Variants in TRPM2 observed in about 807,000 individuals in gnomAD.
The protein encoded by TRPM2 is estrogen-responsive element-associated gene 1 protein.
In TRPM2, 161 loss-of-function variants were observed where a neutral mutation model predicts 174.0. That is an observed-to-expected ratio of 0.93 (90% CI 0.81 to 1.05). The LOEUF is 1.05. TRPM2 is among the 50% of genes least tolerant of loss of function. The pLI is 0.00. For synonymous variants in TRPM2, 954 were observed against 861.3 expected (o/e 1.11, Z -1.88); for missense variants, 2,057 against 2,038.0 (o/e 1.01, Z -0.18).
At chr21:44,422,367 G>T in intron 22 of TRPM2, 3 of 1,536,180 alleles carry the variant, frequency 2.0e-6, no homozygotes, top group South Asian at 1.2e-5. Flanking sequence ...GTCCGAGAAG[G>T]CTCCAGTAAC....
At chr21:44,377,309 A>C (rs548439966) in intron 6 of TRPM2, among the ~76,000 whole-genome samples, 1 of 152,244 alleles carries the variant, frequency 6.6e-6, no homozygotes, top group Non-Finnish European at 1.5e-5. Flanking sequence ...CACGCGTGGC[A>C]GGTTGTGCCA....
intron 11 of TRPM2, among the ~76,000 whole-genome samples, chr21:44,393,133 C>G (rs944411816): frequency 6.6e-6 from 1 of 152,196 alleles, no homozygotes; most frequent in Non-Finnish European, 1.5e-5. Context: ...AATCTCCACC[C>G]TGATTCAATG....
chr21:44,376,097 G>A lies in TRPM2; in HGVS notation c.952+84G>A. ...GTCAGGTACAGCTGGTCACGACCAG[G>A]ACGTTCAACAGGCCTGGCGTTTGGC... On this transcript the variant is annotated intron_variant, in intron 6 of 31. Coordinates refer to ENST00000397928, the MANE Select transcript of TRPM2 (RefSeq NM_003307.4). This position sits in a 1 kb window ranked among gnomAD's most constrained non-coding sequence, Gnocchi z 4.2. 3 of 1,505,538 alleles carry A rather than the reference G, an allele frequency of 2.0e-6. No homozygotes were observed. The highest frequency in any genetic ancestry group is 9.0e-7 in the Non-Finnish European group (1 of 1,110,166). The allele number at this position is 1,505,538 out of a possible 1,614,324, so 93.3% of individuals were successfully genotyped here.
intron 20 of TRPM2, among the ~76,000 whole-genome samples, chr21:44,417,429 C>T (rs371799886): frequency 4.9e-5 from 5 of 101,070 alleles, no homozygotes; most frequent in African/African-American, 2.1e-4. Flanking sequence ...GGCACGTGGG[C>T]GTGGCTCTGC....
In TRPM2 at chr21:44,364,166, A is replaced by T; in HGVS notation, c.307A>T (p.Thr103Ser). 1 of 1,614,170 alleles carries T rather than the reference A, an allele frequency of 6.2e-7. No individual in the cohort carries two copies. The highest frequency in any genetic ancestry group is 8.5e-7 in the Non-Finnish European group (1 of 1,180,030). Residue 103 changes from threonine (T) to serine (S), a missense_variant, in exon 3 of 32, where the codon ACC becomes TCC. Transcript: ENST00000397928. ...YTHEQHLEEA[T>S]KPHTFQGTQW... The stretch of plus-strand genomic sequence containing the variant: ...GCATGAGCAGCACTTGGAGGAGGCT[A>T]CCAAGCCCCACACCTTCCAGGGCAC...
intron 16 of TRPM2, among the ~76,000 whole-genome samples, chr21:44,403,987 TACACAC>T (rs1233755477): frequency 6.6e-6 from 1 of 150,736 alleles, no homozygotes; most frequent in African/African-American, 2.5e-5. Flanking sequence ...TACACATGCA[TACACAC>T]ATACACATAC....
chr21:44,417,699 G>A (rs1214768247), intron 20 of TRPM2, among the ~76,000 whole-genome samples: 2 of 138,844 alleles, frequency 1.4e-5, no homozygotes, highest in Non-Finnish European at 3.1e-5. Context: ...TGGGCACGTG[G>A]GCGTGGCTCT....
intron 27 of TRPM2, among the ~76,000 whole-genome samples, chr21:44,433,270 G>A (rs866303569): frequency 2.0e-5 from 3 of 152,384 alleles, no homozygotes; most frequent in Middle Eastern, 3.4e-3. Flanking sequence ...AGAGCTTCCT[G>A]TGGGGGTGGA....
At chr21:44,410,348 GGTGTA>G (rs2050063782) in intron 19 of TRPM2, among the ~76,000 whole-genome samples, 1 of 73,306 alleles carries the variant, frequency 1.4e-5, no homozygotes, top group African/African-American at 4.9e-5. Flanking sequence ...TGTCTTGGTT[GGTGTA>G]GCCTTGTAGT....
chr21:44,358,515 G>A (rs2048120258), intron 2 of TRPM2, among the ~76,000 whole-genome samples: 1 of 152,236 alleles, frequency 6.6e-6, no homozygotes, highest in South Asian at 2.1e-4. Flanking sequence ...CTCCGGCGAT[G>A]TAATTTCTGG....
intron 28 of TRPM2, among the ~76,000 whole-genome samples, chr21:44,436,441 C>A (rs932412798): frequency 6.6e-6 from 1 of 152,020 alleles, no homozygotes; most frequent in African/African-American, 2.4e-5. Context: ...ACTCTCTGCT[C>A]CCCAGTCCTT....
Position 44,399,187 on chromosome 21 carries a change from C to A in TRPM2, c.2063-109C>A, listed in dbSNP as rs555426882. ...ACCAGCCCCACATTTGCCCTGTGCC[C>A]TTCCCTGTGTCCTGGTGGTGCTGTC... is the stretch of plus-strand genomic sequence containing the variant. On this transcript the variant is annotated intron_variant, in intron 13 of 31. Transcript: ENST00000397928. The surrounding 1 kb of genome is among the most constrained non-coding windows in gnomAD (Gnocchi z 4.6). 1.2e-5 allele frequency: 17 copies of A among 1,421,662 alleles called. No individual in the cohort carries two copies. In the South Asian group the frequency reaches 2.0e-4, roughly 17 times the overall value. The allele number at this position is 1,421,662 out of a possible 1,614,324, so 88.1% of individuals were successfully genotyped here. A position where few individuals can be genotyped will look rare whatever the true frequency, so the allele number is the denominator to read the frequency against.
rs1250714693 is a variant in TRPM2, at chr21:44,366,545, G to A, written c.424-209G>A. On this transcript the variant is annotated intron_variant, in intron 3 of 31. Transcript: ENST00000397928. This position sits in a 1 kb window ranked among gnomAD's most constrained non-coding sequence, Gnocchi z 6.0. ...AGGGCGATCCTGGTCCCCAAAGGAT[G>A]GCCTGATGCTCCTGGCTTGGGCCTC... Among the ~76,000 whole-genome samples, 1 of 152,200 alleles carries A rather than the reference G, an allele frequency of 6.6e-6. No individual in the cohort carries two copies. The highest frequency in any genetic ancestry group is 1.9e-4 in the East Asian group (1 of 5,184).
At chr21:44,408,244 G>A (rs1452464061) in intron 19 of TRPM2, among the ~76,000 whole-genome samples, 1 of 152,108 alleles carries the variant, frequency 6.6e-6, no homozygotes, top group East Asian at 1.9e-4. Context: ...ACCGCGCAGG[G>A]CCGTTTCCAC....
chr21:44,354,504 T>G lies in TRPM2; in HGVS notation c.166-144T>G, dbSNP rs138116978. 2 of 669,888 alleles carry G rather than the reference T, an allele frequency of 3.0e-6. No individual in the cohort carries two copies. Among genetic ancestry groups the G allele is most frequent in the Middle Eastern group, 3.1e-4 (1 of 3,206 alleles). 41.5% of individuals were successfully genotyped at this position (669,888 alleles called of 1,614,324 possible). The stretch of plus-strand genomic sequence containing the variant: ...CCGGAGAGTCTTGGCAAGGTGCTTC[T>G]AATCTTTGGCTCAGGGTCGCGCAGG... On this transcript the variant is annotated intron_variant, in intron 1 of 31. Coordinates refer to ENST00000397928, the MANE Select transcript of TRPM2 (RefSeq NM_003307.4). The surrounding 1 kb of genome is among the most constrained non-coding windows in gnomAD (Gnocchi z 4.3).
At chr21:44,422,577 C>T (rs1249972222) in intron 22 of TRPM2, among the ~76,000 whole-genome samples, 2 of 152,164 alleles carry the variant, frequency 1.3e-5, no homozygotes, top group Non-Finnish European at 2.9e-5. Context: ...AATAGTTGCT[C>T]AGTGTATTAT....
At chr21:44,397,048 T>A (rs1160389088) in intron 12 of TRPM2, among the ~76,000 whole-genome samples, 1 of 151,304 alleles carries the variant, frequency 6.6e-6, no homozygotes, top group Admixed American at 6.6e-5. Context: ...AGGAATTTTT[T>A]TTTTTTTTGA....
chr21:44,389,794 G>A (rs747499563), intron 9 of TRPM2, among the ~76,000 whole-genome samples: 89 of 151,874 alleles, frequency 5.9e-4, no homozygotes, highest in African/African-American at 1.4e-3. Context: ...CAAATCGTTC[G>A]TCAGATATTA....
rs1264612627 is a variant in TRPM2, at chr21:44,354,711, GA to G, written c.232del (p.Ser78ValfsTer58). ...IKKKECVYFV[E>X]SSKLSDAGKV... ...GAAGAAAGAATGCGTGTATTTTGTG[GA>G]AAGTTCCAAACTGTCTGATGCTGGG... On this transcript the variant is annotated frameshift_variant, in exon 2 of 32. Transcript: ENST00000397928. LOFTEE classifies it high-confidence loss of function. The surrounding 1 kb of genome is among the most constrained non-coding windows in gnomAD (Gnocchi z 4.3). The G allele has an allele frequency of 6.2e-7, 1 of 1,614,190 alleles. No homozygotes were observed. The highest frequency in any genetic ancestry group is 8.5e-7 in the Non-Finnish European group (1 of 1,180,030).
Sources: allele counts gnomAD v4.1 joint callset (sites outside exome capture counted in the v4.1 genomes callset), GRCh38; gene constraint gnomAD v4.1.1; non-coding constraint Gnocchi (gnomAD v3.1); transcripts MANE v1.5; gene names NCBI Gene and HGNC (gene_info 2026-07-23, HGNC 2026-07-21).